Variants in GLB1 observed in about 807,000 individuals in gnomAD.
The protein encoded by GLB1 is galactosidase beta 1.
GLB1 carries 56 observed loss-of-function variants against 74.0 expected under a neutral mutation model. The ratio of observed to expected loss-of-function variants is 0.76; its 90% CI spans 0.61 to 0.94. The LOEUF (loss-of-function observed/expected upper bound fraction) is 0.94. GLB1 is among the 40% of genes least tolerant of loss of function. GLB1 has a pLI of 0.00. For missense variants in GLB1, 787 were observed against 845.5 expected (o/e 0.93, Z 0.86); for synonymous variants, 323 against 323.6 (o/e 1.00, Z 0.02).
At chr3:33,067,981 GT>G (rs1269343455) in intron 4 of GLB1, among the ~76,000 whole-genome samples, 7 of 152,294 alleles carry the variant, frequency 4.6e-5, no homozygotes, top group African/African-American at 1.7e-4. Flanking sequence ...CGCCTCCAGG[GT>G]TCAAGCAATC....
At chr3:33,028,666 ATT>A (rs869252582) in intron 10 of GLB1, among the ~76,000 whole-genome samples, 3,256 of 146,226 alleles carry the variant, frequency 0.022, 117 homozygotes, top group African/African-American at 0.076. Flanking sequence ...TTACCCAAAA[ATT>A]TTTTTTTTTT....
Position 33,093,163 on chromosome 3 carries a change from A to G in GLB1, c.75+3848T>C. The G allele has an allele frequency of 2.5e-6, 4 of 1,614,172 alleles. No individual in the cohort carries two copies. The highest frequency in any genetic ancestry group is 1.3e-5 in the African/African-American group (1 of 75,052). ...TTGTCAAGATCCATGCCATGGCCAG[A>G]GTAGTGCAGGATGTCTGCTTCAATA... On this transcript the variant is annotated intron_variant, in intron 1 of 15. Transcript: ENST00000307363. This position sits in a 1 kb window ranked among gnomAD's most constrained non-coding sequence, Gnocchi z 6.0.
In GLB1 at chr3:33,042,370, C is replaced by CTTTTTTTTTTT. The variant is rs66685286; in HGVS notation, c.1068+3739_1068+3749dup. Among the ~76,000 whole-genome samples, 6 of 99,240 alleles carry CTTTTTTTTTTT rather than the reference C, an allele frequency of 6.0e-5. 1 individual carries two copies. The highest frequency in any genetic ancestry group is 7.4e-5 in the African/African-American group (2 of 26,998). 65.1% of individuals were successfully genotyped at this position (99,240 alleles called of 152,430 possible). On this transcript the variant is annotated intron_variant, in intron 10 of 15. Coordinates refer to ENST00000307363, the MANE Select transcript of GLB1 (RefSeq NM_000404.4). ...TATATCCCTGACCCCTCATCTCCTCCTTTTTTTTTTTTTTTTTTTCCAAGT... is the reference window on the plus strand; with the variant it reads ...TATATCCCTGACCCCTCATCTCCTCCTTTTTTTTTTTTTTTTTTTTTTTTTTTTTTCCAAGT...
At chr3:33,096,410 C>G in intron 1 of GLB1, 1 of 892,322 alleles carries the variant, frequency 1.1e-6, no homozygotes, top group South Asian at 5.2e-5. Flanking sequence ...CCCCCCTCAA[C>G]CTGGACCCCC....
chr3:32,971,574 C>T, the GLB1 span, among the ~76,000 whole-genome samples: 8,225 of 152,230 alleles, frequency 0.054, 425 homozygotes, highest in African/African-American at 0.14. Context: ...CTAACCTTGC[C>T]GGTAAACCAA....
intron 10 of GLB1, among the ~76,000 whole-genome samples, chr3:33,038,704 A>G (rs1394260816): frequency 6.6e-6 from 1 of 152,136 alleles, no homozygotes; most frequent in African/African-American, 2.4e-5. Flanking sequence ...ATCAGAACGG[A>G]GAAAGAACCC....
In GLB1 at chr3:33,021,551, C is replaced by T. The variant is rs756704717; in HGVS notation, c.1233+15G>A. The T allele has an allele frequency of 2.5e-6, 4 of 1,612,458 alleles. No homozygotes were observed. Among genetic ancestry groups the T allele is most frequent in the Non-Finnish European group, 3.4e-6 (4 of 1,179,370 alleles). ...CAAGTAGAAAAAAGGCGAGGCATTA[C>T]CTTTGAAGGCCTACCTGTTTCACCT... On this transcript the variant is annotated intron_variant, in intron 12 of 15. Coordinates refer to ENST00000307363, the MANE Select transcript of GLB1 (RefSeq NM_000404.4).
chr3:33,009,154 T>TAAATAAATAAATAAAAA (rs761134064), intron 15 of GLB1, among the ~76,000 whole-genome samples: 1 of 131,518 alleles, frequency 7.6e-6, no homozygotes, highest in Non-Finnish European at 1.7e-5. Context: ...AATAAATAAA[T>TAAATAAATAAATAAAAA]AAAAAAGATT....
chr3:33,006,337 T>A (rs1696787598), intron 15 of GLB1, among the ~76,000 whole-genome samples: 1 of 152,198 alleles, frequency 6.6e-6, no homozygotes, highest in South Asian at 2.1e-4. Context: ...ACGCGAGGGA[T>A]ATAGGCTGTG....
At chr3:33,072,952 A>G (rs1699940066) in intron 1 of GLB1, among the ~76,000 whole-genome samples, 1 of 152,134 alleles carries the variant, frequency 6.6e-6, no homozygotes, top group Non-Finnish European at 1.5e-5. Context: ...CTTAGCTTCT[A>G]GAGGCCAGCA....
downstream of GLB1, among the ~76,000 whole-genome samples, chr3:32,995,288 T>C (rs1267673069): frequency 2.0e-5 from 3 of 152,092 alleles, no homozygotes; most frequent in Non-Finnish European, 4.4e-5. Context: ...GTACATATGC[T>C]TTAAAAGGAG....
chr3:33,075,051 T>C (rs1700058058), intron 1 of GLB1, among the ~76,000 whole-genome samples: 1 of 152,264 alleles, frequency 6.6e-6, no homozygotes, highest in Non-Finnish European at 1.5e-5. Flanking sequence ...TTTATTCTTC[T>C]AGTAAATAAG....
chr3:33,032,881 A>C (rs1698111134), intron 10 of GLB1, among the ~76,000 whole-genome samples: 2 of 152,246 alleles, frequency 1.3e-5, no homozygotes, highest in African/African-American at 2.4e-5. Context: ...AACTTGCAAA[A>C]GTAATATAAT....
In GLB1 at chr3:33,068,232, G is replaced by T; in HGVS notation, c.455C>A (p.Pro152Gln). 1 of 1,614,024 alleles carries T rather than the reference G, an allele frequency of 6.2e-7. No individual in the cohort carries two copies. Among genetic ancestry groups the T allele is most frequent in the Non-Finnish European group, 8.5e-7 (1 of 1,179,944 alleles). Residue 152 changes from proline (P) to glutamine (Q), a missense_variant and splice_region_variant, in exon 4 of 16, where the codon CCA becomes CAA. By Grantham distance (76) the Pro-to-Gln change is moderately conservative. Coordinates refer to ENST00000307363, the MANE Select transcript of GLB1 (RefSeq NM_000404.4). ...TCAAGACATCTGTAACAACCTACCT[G>T]GGTCGGAGGAGCGGAGAAGAATAGA... ...KESILLRSSD[P>Q]DYLAAVDKWL... is the part of the protein sequence containing the mutation.
intron 1 of GLB1, among the ~76,000 whole-genome samples, chr3:33,085,003 G>A (rs1231755535): frequency 6.6e-6 from 1 of 152,198 alleles, no homozygotes; most frequent in East Asian, 1.9e-4. Context: ...CAGGCTGGGT[G>A]CAGTGGCTCA....
chr3:33,065,338 C>T, intron 5 of GLB1, 125 bp downstream of exon 5: 1 of 1,283,258 alleles, frequency 7.8e-7, no homozygotes, highest in Non-Finnish European at 1.1e-6. Context: ...AAAGCACTAT[C>T]TGTGGCATTA....
chr3:33,020,936 T>G (rs1575417085), intron 12 of GLB1, among the ~76,000 whole-genome samples: 1 of 152,114 alleles, frequency 6.6e-6, no homozygotes, highest in South Asian at 2.1e-4. Flanking sequence ...CTGTTAACAA[T>G]TGGTGAATCT....
chr3:33,084,673 G>A (rs377488174), intron 1 of GLB1, among the ~76,000 whole-genome samples: 2 of 152,032 alleles, frequency 1.3e-5, no homozygotes, highest in East Asian at 1.9e-4. Context: ...AGATTTAAAT[G>A]TGCCCCCTCA....
At chr3:33,081,913 G>C (rs1700337015) in intron 1 of GLB1, among the ~76,000 whole-genome samples, 1 of 152,208 alleles carries the variant, frequency 6.6e-6, no homozygotes, top group Non-Finnish European at 1.5e-5. Flanking sequence ...GGAAAATTGA[G>C]ATTCCTTCAT....
Sources: allele counts gnomAD v4.1 joint callset (sites outside exome capture counted in the v4.1 genomes callset), GRCh38; gene constraint gnomAD v4.1.1; non-coding constraint Gnocchi (gnomAD v3.1); transcripts MANE v1.5; gene names NCBI Gene and HGNC (gene_info 2026-07-23, HGNC 2026-07-21).